Variants in ZNF44 observed in about 807,000 individuals in gnomAD.
The protein encoded by ZNF44 is zinc finger protein 44.
In ZNF44, 9 loss-of-function variants were observed where a neutral mutation model predicts 11.7. That is an observed-to-expected ratio of 0.77 (90% CI 0.46 to 1.35). ZNF44 has a LOEUF of 1.35. ZNF44 is among the 40% of genes most tolerant of loss of function. The pLI, the probability that ZNF44 is intolerant of heterozygous loss-of-function variation, is 0.00. For synonymous variants in ZNF44, 224 were observed against 242.7 expected (o/e 0.92, Z 0.72); for missense variants, 696 against 743.1 (o/e 0.94, Z 0.74).
chr19:12,282,543 T>C (rs1000845734), intron 1 of ZNF44, among the ~76,000 whole-genome samples: 8 of 150,278 alleles, frequency 5.3e-5, no homozygotes, highest in African/African-American at 2.0e-4. Flanking sequence ...TGCCTCAGCC[T>C]CTCGAGCAGC....
intron 1 of ZNF44, among the ~76,000 whole-genome samples, chr19:12,289,908 G>A (rs762838895): frequency 6.6e-6 from 1 of 151,644 alleles, no homozygotes; most frequent in Non-Finnish European, 1.5e-5. Context: ...TGGGATTACC[G>A]GCGTGAGCCA....
chr19:12,265,140 T>C (rs907197376), intron 5 of ZNF44, among the ~76,000 whole-genome samples: 1 of 152,098 alleles, frequency 6.6e-6, no homozygotes, highest in Non-Finnish European at 1.5e-5. Flanking sequence ...ATATTTAGGC[T>C]AGGCACAGTG....
intron 1 of ZNF44, among the ~76,000 whole-genome samples, chr19:12,292,572 C>T (rs1468697886): frequency 2.6e-5 from 4 of 152,130 alleles, no homozygotes; most frequent in Non-Finnish European, 5.9e-5. Context: ...CGTTCTATCA[C>T]CTGGCACATC....
chr19:12,248,194 T>G (rs540285008), exon 8 of ZNF44: 1 of 1,308,242 alleles, frequency 7.6e-7, no homozygotes, highest in South Asian at 1.2e-5. Flanking sequence ...TCCTTACATT[T>G]GTAGGGTTTC....
upstream of ZNF44, among the ~76,000 whole-genome samples, chr19:12,240,355 G>T (rs138116949): frequency 6.2e-4 from 92 of 148,194 alleles, no homozygotes; most frequent in East Asian, 0.018. Context: ...TGAGGCAGGA[G>T]AATTACTTGA....
chr19:12,274,799 A>G lies in ZNF44; in HGVS notation c.191+174T>C, dbSNP rs533403111. On this transcript the variant is annotated intron_variant, in intron 3 of 3. Coordinates refer to ENST00000355684, the MANE Select transcript of ZNF44 (RefSeq NM_016264.4). ...TTTGCAAACACTGAATAGCTATGTC[A>G]CATTTAATAATATATTTATGTCACA... 2.6e-5 allele frequency among the ~76,000 whole-genome samples: 4 copies of G among 152,238 alleles called. No homozygotes were observed. The South Asian group carries it at 8.3e-4, about 32-fold the overall frequency.
At chr19:12,236,069 AG>A (rs1223389184) in intron 1 of ZNF44, among the ~76,000 whole-genome samples, 1 of 152,262 alleles carries the variant, frequency 6.6e-6, no homozygotes, top group Admixed American at 6.5e-5. Context: ...AAAATGATAA[AG>A]TACTGCATCT....
chr19:12,278,500 G>T (rs1967329723), intron 1 of ZNF44, among the ~76,000 whole-genome samples: 3 of 152,112 alleles, frequency 2.0e-5, no homozygotes, highest in African/African-American at 7.2e-5. Context: ...GGCACCAAGG[G>T]GGTCAGATTG....
At chr19:12,265,731 C>G (rs532129469) in intron 5 of ZNF44, among the ~76,000 whole-genome samples, 1 of 152,322 alleles carries the variant, frequency 6.6e-6, no homozygotes, top group African/African-American at 2.4e-5. Flanking sequence ...GCTTTCCTCT[C>G]TCGTAAAATA....
chr19:12,231,218 G>A (rs1171640936), intron 2 of ZNF44, among the ~76,000 whole-genome samples: 1 of 152,042 alleles, frequency 6.6e-6, no homozygotes, highest in Non-Finnish European at 1.5e-5. Flanking sequence ...GTCCTGTGTG[G>A]GTATGTTTGA....
chr19:12,228,042 GTTT>G (rs1915993290), intron 3 of ZNF44, among the ~76,000 whole-genome samples: 1 of 152,122 alleles, frequency 6.6e-6, no homozygotes. Context: ...AACCCGTTGT[GTTT>G]TTATTTTAAT....
In ZNF44 at chr19:12,260,277, G is replaced by A. The variant is rs1917449553; in HGVS notation, c.1913-9909C>T. On this transcript the variant is annotated intron_variant and NMD_transcript_variant, in intron 5 of 7. Coordinates refer to the ZNF44 transcript ENST00000393337. ...GATTCACCACAAGACTGTGGGCGTG[G>A]AGCCGGCAGCCGAGGACAAAGGTGT... 4 of 842,040 alleles carry A rather than the reference G, an allele frequency of 4.8e-6. No homozygotes were observed. The Admixed American group carries it at 5.2e-5, about 11-fold the overall frequency. The allele number at this position is 842,040 out of a possible 1,614,324, so 52.2% of individuals were successfully genotyped here. A position where few individuals can be genotyped will look rare whatever the true frequency, so the allele number is the denominator to read the frequency against.
chr19:12,248,012 A>C, exon 8 of ZNF44: 1 of 1,339,874 alleles, frequency 7.5e-7, no homozygotes, highest in Non-Finnish European at 9.9e-7. Context: ...ACACTTTCCC[A>C]CATTTTTTAC....
chr19:12,244,377 A>G (rs1916712032), downstream of ZNF44, among the ~76,000 whole-genome samples: 2 of 152,204 alleles, frequency 1.3e-5, no homozygotes, highest in African/African-American at 4.8e-5. Flanking sequence ...TCCCAGGCCA[A>G]TCCTCACATT....
exon 8 of ZNF44, chr19:12,248,239 A>T (rs1670104102): frequency 7.7e-7 from 1 of 1,300,878 alleles, no homozygotes; most frequent in Non-Finnish European, 1.0e-6. Context: ...TTTTGAGCAG[A>T]TTGGTGGTAT....
intron 5 of ZNF44, among the ~76,000 whole-genome samples, chr19:12,264,737 C>G (rs1036424541): frequency 6.6e-6 from 1 of 151,978 alleles, no homozygotes; most frequent in Non-Finnish European, 1.5e-5. Flanking sequence ...ACTCTGTCAC[C>G]CAGGTTGGAG....
At chr19:12,278,996 A>T (rs1420167073) in intron 1 of ZNF44, among the ~76,000 whole-genome samples, 1 of 152,214 alleles carries the variant, frequency 6.6e-6, no homozygotes, top group Non-Finnish European at 1.5e-5. Flanking sequence ...GCCCCAGCAG[A>T]GAGCCATCCA....
At chr19:12,286,803 T>G (rs1967773771) in intron 1 of ZNF44, among the ~76,000 whole-genome samples, 1 of 150,560 alleles carries the variant, frequency 6.6e-6, no homozygotes, top group African/African-American at 2.5e-5. Flanking sequence ...ATACAAAAAT[T>G]AGCCAGGCGT....
intron 1 of ZNF44, among the ~76,000 whole-genome samples, chr19:12,280,525 G>A (rs575120484): frequency 4.5e-4 from 69 of 151,912 alleles, no homozygotes; most frequent in Non-Finnish European, 7.7e-4. Flanking sequence ...AGGAAAAAGG[G>A]CAGAAAAGAG....
Sources: gnomAD v4.1 joint callset for allele counts (sites outside exome capture counted in the v4.1 genomes callset) on GRCh38, gnomAD v4.1.1 for gene constraint, MANE v1.5 for transcripts, NCBI Gene and HGNC (gene_info 2026-07-23, HGNC 2026-07-21) for gene names.